Variants in MRPS15 observed in about 807,000 individuals in gnomAD.
The protein encoded by MRPS15 is mitochondrial ribosomal protein S15, also known as small ribosomal subunit protein uS15m.
Under a neutral mutation model 30.7 loss-of-function variants are expected in MRPS15, and 25 were observed. The observed-to-expected ratio is 0.81, with a 90% CI of 0.59 to 1.14. MRPS15 has a LOEUF of 1.14. Ranked by LOEUF, MRPS15 falls within the 50% of genes most tolerant of loss-of-function variation. The pLI, the probability that MRPS15 is intolerant of heterozygous loss-of-function variation, is 0.00. For missense variants in MRPS15, 313 were observed against 321.7 expected (o/e 0.97, Z 0.21); for synonymous variants, 124 against 120.1 (o/e 1.03, Z -0.21).
chr1:36,460,154 C>T (rs1650066768), intron 5 of MRPS15, among the ~76,000 whole-genome samples: 1 of 152,146 alleles, frequency 6.6e-6, no homozygotes, highest in Non-Finnish European at 1.5e-5. Flanking sequence ...ACTACAGGCG[C>T]CCGCCACCAT....
At position 36,458,338 on chromosome 1, in the gene MRPS15, C is replaced by T. The variant is rs1243646323; in HGVS notation, c.386-357G>A. On this transcript the variant is annotated intron_variant, in intron 5 of 7. Transcript: ENST00000373116. This position sits in a 1 kb window ranked among gnomAD's most constrained non-coding sequence, Gnocchi z 4.5. ...CTGCCTCCCAGGTTCAGGTGATTCT[C>T]TTGCCTCAGACTCCAGAGCAGCTGG... 1 of 185,660 alleles carries T rather than the reference C, an allele frequency of 5.4e-6. No homozygotes were observed. The highest frequency in any genetic ancestry group is 2.4e-5 in the African/African-American group (1 of 42,362). The allele number at this position is 185,660 out of a possible 1,614,324, so 11.5% of individuals were successfully genotyped here.
At chr1:36,461,368 T>A in intron 3 of MRPS15, 56 bp from the exon 4 acceptor site, 1 of 1,509,540 alleles carries the variant, frequency 6.6e-7, no homozygotes, top group Non-Finnish European at 9.2e-7. Flanking sequence ...AGGAAAGCAA[T>A]GCTGGTTTCA....
At chr1:36,457,885 C>A (rs749449037) in intron 6 of MRPS15, 38 bp downstream of exon 6, 1 of 1,603,094 alleles carries the variant, frequency 6.2e-7, no homozygotes, top group Non-Finnish European at 8.5e-7. Flanking sequence ...TTCCCCCAGG[C>A]TGCTGCTGTT....
Position 36,455,892 on chromosome 1 carries a change from T to A in MRPS15, c.670A>T (p.Arg224Ter). Residue 224 changes from arginine to a stop codon, truncating the protein, a stop_gained, in exon 8 of 8, where the codon AGA (arginine) becomes TGA (stop). Coordinates refer to ENST00000373116, the MANE Select transcript of MRPS15 (RefSeq NM_031280.4). LOFTEE classifies it low-confidence loss of function (END_TRUNC). ...GCTGCTGCAGCCTTTAAGGCTCTTC[T>A]TCGCTTCTTCAGCTTTTGAGTCTCC... ...FQETQKLKKR[R>*]RALKAAAAAQ... is the part of the protein sequence containing the mutation. The A allele has an allele frequency of 6.2e-7, 1 of 1,614,002 alleles. No individual in the cohort carries two copies. The highest frequency in any genetic ancestry group is 1.1e-5 in the South Asian group (1 of 91,072).
chr1:36,464,096 C>A, intron 1 of MRPS15, 50 bp downstream of exon 1: 1 of 1,415,080 alleles, frequency 7.1e-7, no homozygotes, highest in Non-Finnish European at 9.6e-7. Context: ...TCCCTATCTT[C>A]GCCGAACCCT....
chr1:36,458,013 G>A lies in MRPS15; in HGVS notation c.386-32C>T, dbSNP rs746324612. The stretch of plus-strand genomic sequence containing the variant: ...CCACAAACCACAGAGGATGAGAGTT[G>A]GGCACAGAGGAAGGAAGGGCCCAGG... On this transcript the variant is annotated intron_variant, in intron 5 of 7. Transcript: ENST00000373116. This position sits in a 1 kb window ranked among gnomAD's most constrained non-coding sequence, Gnocchi z 4.5. 1.5e-5 allele frequency: 24 copies of A among 1,606,002 alleles called. No individual in the cohort carries two copies. The highest frequency in any genetic ancestry group is 2.0e-5 in the Non-Finnish European group (23 of 1,172,754).
chr1:36,464,096 C>T (rs752532156), intron 1 of MRPS15, 50 bp downstream of exon 1: 42 of 1,415,030 alleles, frequency 3.0e-5, no homozygotes, highest in Non-Finnish European at 3.9e-5. Context: ...TCCCTATCTT[C>T]GCCGAACCCT....
rs1283327224 is a variant in MRPS15 at position 36,456,338 on chromosome 1, TG to T, written c.484del (p.Gln162ArgfsTer43). On this transcript the variant is annotated frameshift_variant, in exon 7 of 8. Transcript: ENST00000373116. LOFTEE classifies it high-confidence loss of function. ...GAGGTTTTTGAGCATCTTTTTCCTC[TG>T]GTCAATGCTCATTAGCAGATAGCGT... The part of the protein sequence containing the change: ...HKRYLLMSID[Q>X]RKKMLKNLRN... 6.2e-7 allele frequency: 1 copy of T among 1,614,004 alleles called. No homozygotes were observed. Among genetic ancestry groups the T allele is most frequent in the Non-Finnish European group, 8.5e-7 (1 of 1,179,912 alleles).
chr1:36,459,295 G>GAGGT (rs1650051570), intron 5 of MRPS15: 1 of 151,456 alleles, frequency 6.6e-6, no homozygotes, highest in South Asian at 2.1e-4. Flanking sequence ...TTGGGAGCCT[G>GAGGT]AGGTAGGAGA....
In MRPS15 at chr1:36,461,271, G is replaced by T. The variant is rs200804313; in HGVS notation, c.293C>A (p.Ala98Asp). Residue 98 changes from alanine (A) to aspartate (D), a missense_variant, in exon 4 of 8, where the codon GCC (alanine) becomes GAC (aspartate). Transcript: ENST00000373116. The part of the protein sequence containing the change: ...VVKRLLSLEM[A>D]NKKEMLKIKQ... ...TTGGCAGAGGCTGCTCACCTTGTTG[G>T]CCATTTCCAAAGACAAGAGTCTTTT... is the stretch of plus-strand genomic sequence containing the variant. 1 of 1,614,144 alleles carries T rather than the reference G, an allele frequency of 6.2e-7. No homozygotes were observed. Among genetic ancestry groups the T allele is most frequent in the Non-Finnish European group, 8.5e-7 (1 of 1,180,010 alleles).
At chr1:36,462,247 C>T in intron 2 of MRPS15, 84 bp from the exon 3 acceptor site, 5 of 969,596 alleles carry the variant, frequency 5.2e-6, no homozygotes, top group Non-Finnish European at 6.4e-6. Flanking sequence ...TTCACCCACT[C>T]TCCAACTCCA....
intron 1 of MRPS15, 67 bp downstream of exon 1, chr1:36,464,079 T>TCCTTCTCCCCTACTCCTGTGCTC: frequency 6.3e-7 from 1 of 1,588,794 alleles, no homozygotes; most frequent in Non-Finnish European, 8.6e-7. Context: ...CTCCTGTGCT[T>TCCTTCTCCCCTACTCCTGTGCTC]CCTTATTCCC....
chr1:36,463,997 T>C (rs1488519587), intron 1 of MRPS15, 147 bp from the exon 2 acceptor site: 12 of 1,503,022 alleles, frequency 8.0e-6, no homozygotes, highest in Non-Finnish European at 9.9e-6. Flanking sequence ...CCCTTGTCTC[T>C]CACATCTTGT....
rs1650079357 is a variant in MRPS15, at chr1:36,460,733, A to G, written c.344T>C (p.Ile115Thr). 1 of 1,614,082 alleles carries G rather than the reference A, an allele frequency of 6.2e-7. No homozygotes were observed. The highest frequency in any genetic ancestry group is 8.5e-7 in the Non-Finnish European group (1 of 1,179,976). The change falls in exon 5 of 8, where the codon ATT becomes ACT. Residue 115 changes from isoleucine to threonine, a missense_variant. By Grantham distance (89) the Ile-to-Thr change is moderately conservative. Transcript: ENST00000373116. ...TCTGGTGTCCTCTGGGTTTGCAACA[A>G]TCTTCTTCATAAACTGTTCTTGCTT... ...KIKQEQFMKK[I>T]VANPEDTRSL...
At chr1:36,456,614 G>A (rs569807014) in intron 6 of MRPS15, 14 of 450,260 alleles carry the variant, frequency 3.1e-5, no homozygotes, top group Non-Finnish European at 5.1e-5. Flanking sequence ...CTGAGATAGG[G>A]TCTTGAATCT....
intron 2 of MRPS15, 88 bp from the exon 3 acceptor site, chr1:36,462,251 A>T: frequency 1.0e-6 from 1 of 953,340 alleles, no homozygotes; most frequent in South Asian, 1.5e-5. Context: ...CCCACTCTCC[A>T]ACTCCAGAAG....
chr1:36,461,139 G>A lies in MRPS15; in HGVS notation c.300+125C>T, dbSNP rs191950567. 3.1e-4 allele frequency: 288 copies of A among 925,894 alleles called. No homozygotes were observed. In the African/African-American group the frequency reaches 3.9e-3, roughly 13 times the overall value. 57.4% of individuals were successfully genotyped at this position (925,894 alleles called of 1,614,324 possible). ...CTGTCTAGGGATATTGACAAATGGAGGCAGAATGACAGTGGGCTAAGTGCT... is the reference window on the plus strand; with the variant it reads ...CTGTCTAGGGATATTGACAAATGGAAGCAGAATGACAGTGGGCTAAGTGCT... On this transcript the variant is annotated intron_variant, in intron 4 of 7. Transcript: ENST00000373116.
At chr1:36,455,974 C>T (rs201168698) in intron 7 of MRPS15, 49 bp from the exon 8 acceptor site, 63 of 1,593,552 alleles carry the variant, frequency 4.0e-5, no homozygotes, top group Non-Finnish European at 2.2e-5. Context: ...TGTGCAAAAC[C>T]TCAGACTTGG....
chr1:36,464,068 A>G (rs1332369101), intron 1 of MRPS15, 78 bp downstream of exon 1: 1 of 1,570,072 alleles, frequency 6.4e-7, no homozygotes, highest in African/African-American at 1.4e-5. Flanking sequence ...TATCTCCCCT[A>G]CTCCTGTGCT....
Sources: gnomAD v4.1 joint callset for allele counts (sites outside exome capture counted in the v4.1 genomes callset) on GRCh38, gnomAD v4.1.1 for gene constraint, Gnocchi (gnomAD v3.1) non-coding constraint, MANE v1.5 for transcripts, NCBI Gene and HGNC (gene_info 2026-07-23, HGNC 2026-07-21) for gene names.